The following ADAMTS19 variants were observed in gnomAD, a reference collection of about 807,000 sequenced individuals.
ADAMTS19 encodes the protein A disintegrin and metalloproteinase with thrombospondin motifs 19.
A neutral mutation model predicts 153.3 loss-of-function variants in ADAMTS19; 93 were observed. The observed-to-expected ratio is 0.61, with a 90% confidence interval of 0.51 to 0.72. The LOEUF is 0.72. Ranked by LOEUF, ADAMTS19 falls within the 30% of genes least tolerant of loss-of-function variation. The pLI, the probability that ADAMTS19 is intolerant of heterozygous loss-of-function variation, is 0.00. For synonymous variants in ADAMTS19, 600 were observed against 556.6 expected, an observed-to-expected ratio of 1.08 and a Z score of -1.10; for missense variants, 1,482 against 1,552.1, an observed-to-expected ratio of 0.95 and a Z score of 0.76.
chr5:129,608,116 G>GTGTGTGTGTGTA (rs377008786), intron 8 of ADAMTS19, among the ~76,000 whole-genome samples: 14 of 47,956 alleles, frequency 2.9e-4, no homozygotes, highest in South Asian at 9.7e-4. Context: ...GTGTGTGTGT[G>GTGTGTGTGTGTA]TATATATATA....
intron 6 of ADAMTS19, among the ~76,000 whole-genome samples, chr5:129,545,426 A>C (rs1442441594): frequency 1.3e-5 from 2 of 152,316 alleles, no homozygotes; most frequent in East Asian, 3.9e-4. Flanking sequence ...CAGACATCAG[A>C]ATGAGAAGAA....
At chr5:129,502,972 C>T (rs1323974721) in intron 2 of ADAMTS19, among the ~76,000 whole-genome samples, 1 of 152,162 alleles carries the variant, frequency 6.6e-6, no homozygotes, top group East Asian at 1.9e-4. Flanking sequence ...GGAGAAAGGA[C>T]AGGGTCTGCT....
At chr5:129,467,897 G>A (rs1749924994) in intron 2 of ADAMTS19, among the ~76,000 whole-genome samples, 1 of 152,178 alleles carries the variant, frequency 6.6e-6, no homozygotes, top group Non-Finnish European at 1.5e-5. Flanking sequence ...GGTAGTTTAT[G>A]CATAGACAAA....
At chr5:129,532,171 T>C (rs189828493) in intron 6 of ADAMTS19, among the ~76,000 whole-genome samples, 1 of 147,462 alleles carries the variant, frequency 6.8e-6, no homozygotes, top group African/African-American at 2.7e-5. Context: ...TTTTTAAAAA[T>C]GAAAACCATT....
intron 2 of ADAMTS19, among the ~76,000 whole-genome samples, chr5:129,494,296 A>G (rs922557410): frequency 1.3e-5 from 2 of 152,198 alleles, no homozygotes; most frequent in Non-Finnish European, 2.9e-5. Context: ...TTAGCTTATC[A>G]TCAGTAACAC....
intron 10 of ADAMTS19, among the ~76,000 whole-genome samples, chr5:129,624,076 G>A (rs933305141): frequency 5.3e-5 from 7 of 131,316 alleles, no homozygotes; most frequent in Non-Finnish European, 7.7e-5. Context: ...GCAGTGAGCC[G>A]AGAACGCGCC....
chr5:129,631,305 T>C (rs956878573), intron 10 of ADAMTS19, among the ~76,000 whole-genome samples: 2 of 148,862 alleles, frequency 1.3e-5, no homozygotes, highest in African/African-American at 5.0e-5. Flanking sequence ...GAATGTTCTA[T>C]ATGCATTTGA....
At chr5:129,524,497 A>G (rs1398131166) in intron 3 of ADAMTS19, among the ~76,000 whole-genome samples, 1 of 152,178 alleles carries the variant, frequency 6.6e-6, no homozygotes, top group Non-Finnish European at 1.5e-5. Flanking sequence ...AGCAAAAGAA[A>G]CTATCATCAA....
intron 2 of ADAMTS19, among the ~76,000 whole-genome samples, chr5:129,467,304 C>A (rs771257249): frequency 6.6e-6 from 1 of 151,994 alleles, no homozygotes; most frequent in African/African-American, 2.4e-5. Context: ...GTTGATATAA[C>A]CAAGATTAGT....
chr5:129,715,854 T>C (rs1485700621), intron 21 of ADAMTS19, among the ~76,000 whole-genome samples: 1 of 152,150 alleles, frequency 6.6e-6, no homozygotes, highest in East Asian at 1.9e-4. Flanking sequence ...TTCTGAGTTA[T>C]CAGCACCTAA....
rs1430941217 is a variant in ADAMTS19, at chr5:129,687,943, C to G, written c.2818+3670C>G. 2.0e-5 allele frequency among the ~76,000 whole-genome samples: 3 copies of G among 152,170 alleles called. No homozygotes were observed. The South Asian group carries it at 6.2e-4, about 32-fold the overall frequency. On this transcript the variant is annotated intron_variant, in intron 18 of 22. Coordinates refer to ENST00000274487, the MANE Select transcript of ADAMTS19 (RefSeq NM_133638.6). ...ACAGTCATTCTAATAATACACAACTCCTATATGATTTGTGCTTGAATAGAT... is the reference window on the plus strand; with the variant it reads ...ACAGTCATTCTAATAATACACAACTGCTATATGATTTGTGCTTGAATAGAT...
At chr5:129,600,787 AAATT>A (rs1364310281) in intron 8 of ADAMTS19, among the ~76,000 whole-genome samples, 1 of 152,194 alleles carries the variant, frequency 6.6e-6, no homozygotes. Context: ...AAGAGGAAAT[AAATT>A]ATTTAAGCCA....
At chr5:129,546,478 AGT>A (rs1191848767) in intron 6 of ADAMTS19, among the ~76,000 whole-genome samples, 1 of 150,956 alleles carries the variant, frequency 6.6e-6, no homozygotes, top group Non-Finnish European at 1.5e-5. Flanking sequence ...AGACGGAAAG[AGT>A]GTTAAAAAAG....
chr5:129,639,995 T>G (rs989973688), intron 10 of ADAMTS19, among the ~76,000 whole-genome samples: 5 of 152,194 alleles, frequency 3.3e-5, no homozygotes, highest in African/African-American at 1.2e-4. Flanking sequence ...GGCAATATGA[T>G]TTATAGGCAT....
intron 2 of ADAMTS19, among the ~76,000 whole-genome samples, chr5:129,508,134 T>G (rs1320865817): frequency 6.6e-6 from 1 of 151,952 alleles, no homozygotes; most frequent in Non-Finnish European, 1.5e-5. Context: ...ATATTGATAA[T>G]TCAAAACAGA....
At chr5:129,711,074 A>G (rs148668017) in intron 21 of ADAMTS19, among the ~76,000 whole-genome samples, 21 of 152,336 alleles carry the variant, frequency 1.4e-4, no homozygotes, top group Non-Finnish European at 2.4e-4. Flanking sequence ...CCAGAGTCCT[A>G]GTGAGAATTT....
chr5:129,522,192 AATAT>A (rs913351499), intron 3 of ADAMTS19, among the ~76,000 whole-genome samples: 1 of 148,090 alleles, frequency 6.8e-6, no homozygotes, highest in Non-Finnish European at 1.5e-5. Context: ...GTTGAAAAAA[AATAT>A]ATATATATAT....
intron 2 of ADAMTS19, among the ~76,000 whole-genome samples, chr5:129,476,190 A>G (rs1322370370): frequency 6.6e-6 from 1 of 152,148 alleles, no homozygotes; most frequent in Non-Finnish European, 1.5e-5. Context: ...AAAGAACAAA[A>G]TAAGCTACTG....
At chr5:129,493,633 T>G (rs1250255313) in intron 2 of ADAMTS19, among the ~76,000 whole-genome samples, 1 of 152,182 alleles carries the variant, frequency 6.6e-6, no homozygotes, top group African/African-American at 2.4e-5. Context: ...TGATTCTGTC[T>G]TTGACTCTAC....
Sources: gnomAD v4.1 joint callset for allele counts (sites outside exome capture counted in the v4.1 genomes callset) on GRCh38, gnomAD v4.1.1 for gene constraint, MANE v1.5 for transcripts, NCBI Gene and HGNC (gene_info 2026-07-23, HGNC 2026-07-21) for gene names.